NXPH1: variants seen among roughly 807,000 people sequenced by gnomAD.
The protein encoded by NXPH1 is neurexophilin-1.
NXPH1 carries 5 observed loss-of-function variants against 23.7 expected under a neutral mutation model. The ratio of observed to expected loss-of-function variants is 0.21; its 90% CI spans 0.11 to 0.44. The LOEUF (loss-of-function observed/expected upper bound fraction) is 0.44, where lower values mean the gene tolerates loss of function less well. Ranked by LOEUF, NXPH1 falls within the 20% of genes least tolerant of loss-of-function variation. NXPH1 has a pLI of 0.99. For synonymous variants in NXPH1, 144 were observed against 122.2 expected (o/e 1.18, Z -1.18); for missense variants, 324 against 321.6 (o/e 1.01, Z -0.06).
At chr7:8,547,825 A>G (rs1818220067) in intron 2 of NXPH1, among the ~76,000 whole-genome samples, 1 of 151,484 alleles carries the variant, frequency 6.6e-6, no homozygotes, top group Non-Finnish European at 1.5e-5. Flanking sequence ...TACAAGGGAC[A>G]TAATTCTTTT....
At chr7:8,578,240 G>A (rs1818792094) in intron 2 of NXPH1, among the ~76,000 whole-genome samples, 1 of 152,208 alleles carries the variant, frequency 6.6e-6, no homozygotes, top group Non-Finnish European at 1.5e-5. Context: ...TAAACCCATT[G>A]TAAGTTGAAA....
At chr7:8,469,856 A>T (rs1457712714) in intron 2 of NXPH1, among the ~76,000 whole-genome samples, 1 of 152,030 alleles carries the variant, frequency 6.6e-6, no homozygotes, top group Non-Finnish European at 1.5e-5. Context: ...CATTATCCTT[A>T]CTCTCAGTTT....
chr7:8,629,609 C>G (rs75089242), intron 2 of NXPH1, among the ~76,000 whole-genome samples: 3,740 of 152,158 alleles, frequency 0.025, 138 homozygotes, highest in African/African-American at 0.078. Context: ...TAAAATTGCT[C>G]TTTATATTGG....
At chr7:8,491,381 T>C (rs922182779) in intron 2 of NXPH1, among the ~76,000 whole-genome samples, 1 of 151,986 alleles carries the variant, frequency 6.6e-6, no homozygotes, top group African/African-American at 2.4e-5. Flanking sequence ...TATGCTGCAT[T>C]AACATCCCTT....
intron 2 of NXPH1, among the ~76,000 whole-genome samples, chr7:8,685,579 C>T (rs1423558946): frequency 6.6e-6 from 1 of 152,020 alleles, no homozygotes; most frequent in Non-Finnish European, 1.5e-5. Context: ...AGTGCAGATA[C>T]CTCTCCTTTG....
At chr7:8,438,685 C>T (rs927196570) in intron 2 of NXPH1, among the ~76,000 whole-genome samples, 1 of 152,114 alleles carries the variant, frequency 6.6e-6, no homozygotes, top group African/African-American at 2.4e-5. Flanking sequence ...TTAAATACCC[C>T]CAAATTTGAG....
chr7:8,463,389 T>G (rs2128607166), intron 2 of NXPH1, among the ~76,000 whole-genome samples: 1 of 152,176 alleles, frequency 6.6e-6, no homozygotes, highest in East Asian at 1.9e-4. Flanking sequence ...TTTTTAACCC[T>G]TTGAAAATAT....
chr7:8,676,641 T>C (rs914996921), intron 2 of NXPH1, among the ~76,000 whole-genome samples: 1 of 152,178 alleles, frequency 6.6e-6, no homozygotes, highest in Non-Finnish European at 1.5e-5. Flanking sequence ...AAGATGTGCT[T>C]ATTTATCAGT....
At chr7:8,481,911 C>T (rs1036414886) in intron 2 of NXPH1, among the ~76,000 whole-genome samples, 2 of 152,184 alleles carry the variant, frequency 1.3e-5, no homozygotes, top group African/African-American at 4.8e-5. Context: ...ATAGATCACA[C>T]TCAGTGCTGG....
Position 8,733,097 on chromosome 7 carries a change from C to T in NXPH1, c.55-17911C>T, listed in dbSNP as rs555712656. ...CCTGTGTCCATGTGTTCTCATTGTTCGACTCCCACTTATGAGTGAGAACAC... is the reference window on the plus strand; with the variant it reads ...CCTGTGTCCATGTGTTCTCATTGTTTGACTCCCACTTATGAGTGAGAACAC... On this transcript the variant is annotated intron_variant, in intron 2 of 2. Transcript: ENST00000405863. Among the ~76,000 whole-genome samples, 8 of 151,910 alleles carry T rather than the reference C, an allele frequency of 5.3e-5. No individual in the cohort carries two copies. In the East Asian group the frequency reaches 5.8e-4, roughly 11 times the overall value.
rs912999580 is a variant in NXPH1 at position 8,435,491 on chromosome 7, C to T, written c.-110-113C>T. 1.4e-5 allele frequency: 8 copies of T among 578,842 alleles called. No homozygotes were observed. The highest frequency in any genetic ancestry group is 1.3e-4 in the African/African-American group (7 of 52,862). The allele number at this position is 578,842 out of a possible 1,614,324, so 35.9% of individuals were successfully genotyped here. Reference sequence around the variant, plus strand: ...CGCTTTTCAATTTTTCGTACCCTCCCTCCCTTTTTTTTTTGGTCCCCCACT... The same window carrying T: ...CGCTTTTCAATTTTTCGTACCCTCCTTCCCTTTTTTTTTTGGTCCCCCACT... On this transcript the variant is annotated intron_variant, in intron 1 of 2. Transcript: ENST00000405863. This position sits in a 1 kb window ranked among gnomAD's most constrained non-coding sequence, Gnocchi z 5.9.
chr7:8,698,600 T>C (rs2115188229), intron 2 of NXPH1, among the ~76,000 whole-genome samples: 1 of 147,230 alleles, frequency 6.8e-6, no homozygotes, highest in African/African-American at 2.4e-5. Flanking sequence ...TCTTATGGGG[T>C]ACTATACTGA....
Position 8,442,363 on chromosome 7 carries a change from C to T in NXPH1, c.54+6596C>T, listed in dbSNP as rs947788104. 9.2e-5 allele frequency among the ~76,000 whole-genome samples: 14 copies of T among 152,168 alleles called. No homozygotes were observed. The highest frequency in any genetic ancestry group is 3.1e-4 in the African/African-American group (13 of 41,432). On this transcript the variant is annotated intron_variant, in intron 2 of 2. Coordinates refer to ENST00000405863, the MANE Select transcript of NXPH1 (RefSeq NM_152745.3). This position sits in a 1 kb window ranked among gnomAD's most constrained non-coding sequence, Gnocchi z 4.6. ...TGGCTTGCGGGAGCTCTGCGCGTCC[C>T]CGCTGAACCTGCCTCTGGCCGCGCC... is the stretch of plus-strand genomic sequence containing the variant.
intron 2 of NXPH1, among the ~76,000 whole-genome samples, chr7:8,673,725 A>C (rs1820906919): frequency 6.6e-6 from 1 of 152,164 alleles, no homozygotes; most frequent in African/African-American, 2.4e-5. Flanking sequence ...GGATTACAAC[A>C]GTCTTCGGCA....
chr7:8,480,985 T>A (rs996326715), intron 2 of NXPH1, among the ~76,000 whole-genome samples: 1 of 152,182 alleles, frequency 6.6e-6, no homozygotes, highest in African/African-American at 2.4e-5. Flanking sequence ...AAACTAGGCG[T>A]GAGAGGCTCA....
chr7:8,743,842 C>T lies in NXPH1; in HGVS notation c.55-7166C>T, dbSNP rs372696610. On this transcript the variant is annotated intron_variant, in intron 2 of 2. Transcript: ENST00000405863. ...GGGACCACAGGCACCCACCACCGTGCCCGGCCAATTTTTTTGTATTTTCAG... is the reference window on the plus strand; with the variant it reads ...GGGACCACAGGCACCCACCACCGTGTCCGGCCAATTTTTTTGTATTTTCAG... 2.4e-4 allele frequency among the ~76,000 whole-genome samples: 37 copies of T among 152,140 alleles called. No homozygotes were observed. In the East Asian group the frequency reaches 5.2e-3, roughly 22 times the overall value.
At chr7:8,683,803 T>G (rs1486534176) in intron 2 of NXPH1, among the ~76,000 whole-genome samples, 2 of 152,148 alleles carry the variant, frequency 1.3e-5, no homozygotes, top group Non-Finnish European at 2.9e-5. Flanking sequence ...GACACTAGCC[T>G]GCTTAATATG....
intron 2 of NXPH1, among the ~76,000 whole-genome samples, chr7:8,465,463 G>A (rs1204204804): frequency 1.4e-5 from 2 of 146,556 alleles, no homozygotes; most frequent in Non-Finnish European, 2.9e-5. Flanking sequence ...CCTGGGTTGA[G>A]TTGGGAAGGA....
intron 2 of NXPH1, among the ~76,000 whole-genome samples, chr7:8,599,765 A>C (rs1187178255): frequency 1.3e-5 from 2 of 151,052 alleles, no homozygotes; most frequent in Non-Finnish European, 2.9e-5. Context: ...GTTTAACCAC[A>C]CTTGTTCATA....
Sources: gnomAD v4.1 joint callset for allele counts (sites outside exome capture counted in the v4.1 genomes callset) on GRCh38, gnomAD v4.1.1 for gene constraint, Gnocchi (gnomAD v3.1) non-coding constraint, MANE v1.5 for transcripts, NCBI Gene and HGNC (gene_info 2026-07-23, HGNC 2026-07-21) for gene names.